The following BICRA variants were observed in gnomAD, a reference collection of about 807,000 sequenced individuals.
The protein encoded by BICRA is BRD4 interacting chromatin remodeling complex associated protein, also known as BRD4-interacting chromatin-remodeling complex-associated protein.
A neutral mutation model predicts 96.9 loss-of-function variants in BICRA; 31 were observed. The observed-to-expected ratio is 0.32, with a 90% confidence interval of 0.24 to 0.43. The LOEUF (loss-of-function observed/expected upper bound fraction) is 0.43, where lower values mean the gene tolerates loss of function less well. Among genes scored for constraint, BICRA ranks in the 20% least tolerant of loss-of-function variants. The pLI, the probability that BICRA is intolerant of heterozygous loss-of-function variation, is 1.00. For missense variants in BICRA, 2,283 were observed against 2,190.3 expected, an observed-to-expected ratio of 1.04 and a Z score of -0.84; for synonymous variants, 1,350 against 1,071.8, an observed-to-expected ratio of 1.26 and a Z score of -5.07.
intron 1 of BICRA, among the ~76,000 whole-genome samples, chr19:47,637,264 C>T (rs967809036): frequency 2.8e-4 from 43 of 151,772 alleles, no homozygotes; most frequent in Non-Finnish European, 4.9e-4. Flanking sequence ...GGACTACAGG[C>T]GCCCGCCACC....
intron 1 of BICRA, among the ~76,000 whole-genome samples, chr19:47,654,790 GAAAA>G (rs58825818): frequency 6.9e-6 from 1 of 144,038 alleles, no homozygotes. Flanking sequence ...CCATCTCTAT[GAAAA>G]AAAAAAAAAA....
rs531225260 is a variant in BICRA at position 47,646,207 on chromosome 19, A to G, written c.-107-24236A>G. On this transcript the variant is annotated intron_variant, in intron 1 of 14. Coordinates refer to ENST00000594866, the MANE Select transcript of BICRA (RefSeq NM_001394372.1). ...GGGGTGGAGGAGGGGTACGTCCAGC[A>G]TGCGGAATGCTCTGCCCACTGAGGG... Among the ~76,000 whole-genome samples, 4 of 152,314 alleles carry G rather than the reference A, an allele frequency of 2.6e-5. No homozygotes were observed. The East Asian group carries it at 7.7e-4, about 29-fold the overall frequency.
rs751345981 is a variant in BICRA, at chr19:47,682,114, G to A, written c.2245G>A (p.Ala749Thr). ...VAKGAGLGPQ[A>T]PDSQASPAPA... ...CAAAGGAGCTGGCCTCGGCCCTCAG[G>A]CCCCCGACAGCCAGGCTTCCCCGGC... The change falls in exon 7 of 15, where the codon GCC (alanine) becomes ACC (threonine). Residue 749 changes from alanine to threonine, a missense_variant. Ala to Thr is a moderately conservative substitution (Grantham distance 58). Transcript: ENST00000594866. 3 of 1,511,180 alleles carry A rather than the reference G, an allele frequency of 2.0e-6. No homozygotes were observed. The highest frequency in any genetic ancestry group is 1.8e-6 in the Non-Finnish European group (2 of 1,115,456). 93.6% of individuals were successfully genotyped at this position (1,511,180 alleles called of 1,614,324 possible). A position where few individuals can be genotyped will look rare whatever the true frequency, so the allele number is the denominator to read the frequency against.
At chr19:47,647,681 G>T (rs1025459337) in intron 1 of BICRA, among the ~76,000 whole-genome samples, 4 of 152,098 alleles carry the variant, frequency 2.6e-5, no homozygotes, top group African/African-American at 9.7e-5. Flanking sequence ...AGGATTGGAA[G>T]CCATGATCGC....
In BICRA at chr19:47,680,804, C is replaced by G; in HGVS notation, c.1634C>G (p.Ala545Gly). 6.2e-7 allele frequency: 1 copy of G among 1,608,408 alleles called. No homozygotes were observed. The highest frequency in any genetic ancestry group is 8.5e-7 in the Non-Finnish European group (1 of 1,178,812). The change falls in exon 6 of 15, where the codon GCT (alanine) becomes GGT (glycine). Residue 545 changes from alanine to glycine, a missense_variant. Coordinates refer to ENST00000594866, the MANE Select transcript of BICRA (RefSeq NM_001394372.1). ...CACAGCGCGCACATCCTCTCCGCCG[C>G]TCCCATCCAGGTGGGCCAGCCTGCG... ...GAHSAHILSAAPIQVGQPALF... is the reference protein window; with the variant it reads ...GAHSAHILSAGPIQVGQPALF...
At position 47,675,349 on chromosome 19, in the gene BICRA, C is replaced by G. The variant is rs992908325; in HGVS notation, c.85-502C>G. Among the ~76,000 whole-genome samples the G allele has an allele frequency of 6.6e-6, 1 of 152,172 alleles. No homozygotes were observed. On this transcript the variant is annotated intron_variant, in intron 4 of 14. Coordinates refer to ENST00000594866, the MANE Select transcript of BICRA (RefSeq NM_001394372.1). This position sits in a 1 kb window ranked among gnomAD's most constrained non-coding sequence, Gnocchi z 4.7. ...TGGATGCCAGGGCCTGTTCTGGGCA[C>G]TAAGGATGGTGCTAAGCATCTGAGA...
upstream of BICRA, among the ~76,000 whole-genome samples, chr19:47,608,884 A>C (rs1175146816): frequency 5.5e-5 from 5 of 90,630 alleles, no homozygotes; most frequent in African/African-American, 2.1e-4. Flanking sequence ...GGAACACAAA[A>C]CCTGAGAGGT....
chr19:47,701,398 C>G lies in BICRA; in HGVS notation c.3666C>G (p.Pro1222=). 6.2e-7 allele frequency: 1 copy of G among 1,603,866 alleles called. No homozygotes were observed. The highest frequency in any genetic ancestry group is 8.5e-7 in the Non-Finnish European group (1 of 1,176,044). The change falls in exon 15 of 15, where the codon CCC becomes CCG. Residue 1222 remains proline (P), a synonymous_variant. Transcript: ENST00000594866. The surrounding 1 kb of genome is among the most constrained non-coding windows in gnomAD (Gnocchi z 5.4). ...CCTCTTCCGAGGGTCATCGGCTTCCCGGCCACGGCCCCCTGTCGTCTTCAG... is the reference window on the plus strand; with the variant it reads ...CCTCTTCCGAGGGTCATCGGCTTCCGGGCCACGGCCCCCTGTCGTCTTCAG... ...IAASSEGHRL[P]GHGPLSSSAP...
At chr19:47,648,903 G>A (rs1378039036) in intron 1 of BICRA, among the ~76,000 whole-genome samples, 4 of 150,594 alleles carry the variant, frequency 2.7e-5, no homozygotes, top group African/African-American at 9.8e-5. Flanking sequence ...CCAGGCTGGA[G>A]TGCAGTGGCA....
At chr19:47,660,283 A>G (rs2334283) in intron 1 of BICRA, among the ~76,000 whole-genome samples, 110,359 of 152,008 alleles carry the variant, frequency 0.73, 40,516 homozygotes, top group African/African-American at 0.83. Context: ...CCTTCTTCAC[A>G]TGGCCTTCTG....
chr19:47,639,806 C>G (rs1972358024), intron 1 of BICRA, among the ~76,000 whole-genome samples: 1 of 151,618 alleles, frequency 6.6e-6, no homozygotes, highest in South Asian at 2.1e-4. Flanking sequence ...CCACGCCCAC[C>G]TAATTTAAAA....
chr19:47,635,080 G>C (rs138080370), intron 1 of BICRA, among the ~76,000 whole-genome samples: 1 of 151,712 alleles, frequency 6.6e-6, no homozygotes, highest in African/African-American at 2.4e-5. Context: ...AAAGCTTTTA[G>C]AATAATGCCT....
intron 10 of BICRA, 63 bp downstream of exon 10, chr19:47,695,537 G>C: frequency 1.3e-6 from 1 of 776,470 alleles, no homozygotes; most frequent in South Asian, 1.5e-5. Context: ...TGGGAACTGG[G>C]GCTGGCAGGG....
In BICRA at chr19:47,625,154, C is replaced by T. The variant is rs915192485; in HGVS notation, c.-108+15986C>T. On this transcript the variant is annotated intron_variant, in intron 1 of 14. Coordinates refer to ENST00000594866, the MANE Select transcript of BICRA (RefSeq NM_001394372.1). ...AGCTGGGATTACAGGCGTGAGCCAC[C>T]ACGCCCAGCTAATTTTTGTATTTTT... Among the ~76,000 whole-genome samples the T allele has an allele frequency of 5.3e-5, 8 of 152,014 alleles. No homozygotes were observed. In the East Asian group the frequency reaches 1.2e-3, roughly 22 times the overall value.
In BICRA at chr19:47,632,857, G is replaced by A. The variant is rs373985720; in HGVS notation, c.-108+23689G>A. On this transcript the variant is annotated intron_variant, in intron 1 of 14. Coordinates refer to ENST00000594866, the MANE Select transcript of BICRA (RefSeq NM_001394372.1). ...GCCTGTGTCAGAAGAACTTGGGCTC[G>A]GATCCCCAGCTGTCTCCTTCTCAGG... Among the ~76,000 whole-genome samples, 7 of 152,146 alleles carry A rather than the reference G, an allele frequency of 4.6e-5. No individual in the cohort carries two copies. The East Asian group carries it at 1.2e-3, about 25-fold the overall frequency.
intron 5 of BICRA, among the ~76,000 whole-genome samples, chr19:47,676,154 G>A (rs1972937285): frequency 2.6e-5 from 4 of 152,148 alleles, no homozygotes; most frequent in Admixed American, 2.6e-4. Flanking sequence ...GACCCCTTGG[G>A]GAAGAGGTGA....
Position 47,701,576 on chromosome 19 carries a change from G to A in BICRA, c.3844G>A (p.Asp1282Asn). 6.4e-7 allele frequency: 1 copy of A among 1,553,660 alleles called. No homozygotes were observed. The highest frequency in any genetic ancestry group is 8.7e-7 in the Non-Finnish European group (1 of 1,149,458). ...SSSSSAASSL[D>N]ADEDGPMPSR... ...CTCCTCCTCTGCCGCCTCCTCCTTG[G>A]ACGCCGACGAGGACGGCCCCATGCC... Residue 1282 changes from aspartate to asparagine, a missense_variant, in exon 15 of 15, where the codon GAC (aspartate) becomes AAC (asparagine). Coordinates refer to ENST00000594866, the MANE Select transcript of BICRA (RefSeq NM_001394372.1). The surrounding 1 kb of genome is among the most constrained non-coding windows in gnomAD (Gnocchi z 5.4).
chr19:47,624,079 G>A (rs749555152), intron 1 of BICRA, among the ~76,000 whole-genome samples: 6 of 152,088 alleles, frequency 3.9e-5, no homozygotes, highest in Admixed American at 3.3e-4. Flanking sequence ...TTGAACTCCC[G>A]ACCTCAGATG....
In BICRA at chr19:47,695,453, AG is replaced by A; in HGVS notation, c.3168del (p.Lys1057SerfsTer11). ...TGGCCAAGGCCGCTTCCTCCGGGCC[AG>A]GGAAGCCCTCCGGGCTGCAGGTAAG... Reference protein sequence around the residue: ...NVAKAASSGPGKPSGLQYESK... With the variant: ...NVAKAASSGPXKPSGLQYESK... On this transcript the variant is annotated frameshift_variant, in exon 10 of 15. Coordinates refer to ENST00000594866, the MANE Select transcript of BICRA (RefSeq NM_001394372.1). LOFTEE classifies it high-confidence loss of function. The A allele has an allele frequency of 6.4e-7, 1 of 1,569,202 alleles. No individual in the cohort carries two copies. The highest frequency in any genetic ancestry group is 8.7e-7 in the Non-Finnish European group (1 of 1,150,872).
Sources: allele counts gnomAD v4.1 joint callset (sites outside exome capture counted in the v4.1 genomes callset), GRCh38; gene constraint gnomAD v4.1.1; non-coding constraint Gnocchi (gnomAD v3.1); transcripts MANE v1.5; gene names NCBI Gene and HGNC (gene_info 2026-07-23, HGNC 2026-07-21).